Variants in SLC38A6 observed in about 807,000 individuals in gnomAD.
SLC38A6 encodes the protein N system amino acid transporter NAT-1.
In SLC38A6, 73 loss-of-function variants were observed where a neutral mutation model predicts 65.0. That is an observed-to-expected ratio of 1.12 (90% CI 0.93 to 1.37). SLC38A6 has a LOEUF of 1.37. SLC38A6 is among the 40% of genes most tolerant of loss of function. The pLI, the probability that SLC38A6 is intolerant of heterozygous loss-of-function variation, is 0.00. For missense variants in SLC38A6, 561 were observed against 531.1 expected, an observed-to-expected ratio of 1.06 and a Z score of -0.55; for synonymous variants, 183 against 178.8, an observed-to-expected ratio of 1.02 and a Z score of -0.19.
chr14:61,034,047 TG>T (rs1045953453), intron 6 of SLC38A6: 1 of 152,188 alleles, frequency 6.6e-6, no homozygotes. Flanking sequence ...TTGAGCCAGA[TG>T]ATCTCTAAGG....
At chr14:61,075,851 C>T (rs1223551005) in intron 15 of SLC38A6, among the ~76,000 whole-genome samples, 4 of 142,358 alleles carry the variant, frequency 2.8e-5, no homozygotes, top group African/African-American at 5.2e-5. Flanking sequence ...GGGATCAGAG[C>T]CACTCAACTT....
In SLC38A6 at chr14:61,018,739, A is replaced by G. The variant is rs574722990; in HGVS notation, c.364-802A>G. Among the ~76,000 whole-genome samples the G allele has an allele frequency of 8.1e-4, 124 of 152,328 alleles. 3 individuals carry two copies. In the South Asian group the frequency reaches 0.021, roughly 26 times the overall value. On this transcript the variant is annotated intron_variant, in intron 4 of 15. Transcript: ENST00000267488. ...ATAAGCTAACAAGCCTACAGACTGA[A>G]TTTAGTCCTCAGGCACATTTTATAT...
chr14:60,981,877 G>C (rs2037061832), intron 1 of SLC38A6, among the ~76,000 whole-genome samples: 1 of 152,336 alleles, frequency 6.6e-6, no homozygotes, highest in South Asian at 2.1e-4. Context: ...TGACCCTAAA[G>C]CCTGTGCAGT....
chr14:61,035,045 G>A (rs149203435), intron 6 of SLC38A6, among the ~76,000 whole-genome samples: 87 of 152,272 alleles, frequency 5.7e-4, no homozygotes, highest in East Asian at 5.0e-3. Context: ...ATCTGGCAGA[G>A]AATGAAAGAG....
chr14:61,069,339 T>G (rs547931498), intron 15 of SLC38A6, among the ~76,000 whole-genome samples: 2 of 152,240 alleles, frequency 1.3e-5, no homozygotes, highest in African/African-American at 4.8e-5. Flanking sequence ...TAATCCCAGA[T>G]AATGGCTCAC....
chr14:61,055,260 C>T (rs1378582657), downstream of SLC38A6, among the ~76,000 whole-genome samples: 1 of 64,212 alleles, frequency 1.6e-5, no homozygotes, highest in East Asian at 4.1e-4. Flanking sequence ...AATGCTATCC[C>T]TCCCCCCTCC....
chr14:60,984,820 T>C lies in SLC38A6; in HGVS notation c.310+17T>C, dbSNP rs1421030418. ...TTCAGACAGGTGAGTAAAAATGTTA[T>C]GCTGCTTCATTTAATAAAGGAGTCT... On this transcript the variant is annotated intron_variant, in intron 3 of 15. Coordinates refer to ENST00000267488, the MANE Select transcript of SLC38A6 (RefSeq NM_153811.3). 1.8e-5 allele frequency: 29 copies of C among 1,609,552 alleles called. No homozygotes were observed. Among genetic ancestry groups the C allele is most frequent in the Admixed American group, 1.5e-4 (9 of 60,006 alleles).
At chr14:60,982,116 G>C in intron 1 of SLC38A6, 2 of 458,304 alleles carry the variant, frequency 4.4e-6, no homozygotes, top group Admixed American at 4.7e-5. Context: ...TAATTGAGGA[G>C]AAACAACTGC....
downstream of SLC38A6, among the ~76,000 whole-genome samples, chr14:61,055,106 C>CTTTTTTTTTTTTT (rs1280245361): frequency 6.3e-5 from 4 of 63,286 alleles, no homozygotes; most frequent in African/African-American, 1.8e-4. Context: ...AAGTCTTTTT[C>CTTTTTTTTTTTTT]TTTTTTTTTT....
chr14:61,073,495 C>A (rs1341904797), intron 15 of SLC38A6, among the ~76,000 whole-genome samples: 2 of 152,138 alleles, frequency 1.3e-5, no homozygotes, highest in African/African-American at 4.8e-5. Context: ...TTATATTTTT[C>A]TTCCAGGATC....
intron 12 of SLC38A6, among the ~76,000 whole-genome samples, chr14:61,047,683 T>G (rs1385707703): frequency 6.6e-6 from 1 of 152,172 alleles, no homozygotes; most frequent in Non-Finnish European, 1.5e-5. Context: ...ATGTATAATC[T>G]ATCTATCTAA....
chr14:61,020,440 G>T (rs2139583365), intron 5 of SLC38A6, among the ~76,000 whole-genome samples: 1 of 152,164 alleles, frequency 6.6e-6, no homozygotes, highest in South Asian at 2.1e-4. Flanking sequence ...ATAAACTTCA[G>T]CTCTCATAAT....
intron 5 of SLC38A6, among the ~76,000 whole-genome samples, chr14:61,025,007 G>T (rs536744299): frequency 6.6e-6 from 1 of 152,080 alleles, no homozygotes; most frequent in Non-Finnish European, 1.5e-5. Context: ...TCATTACTAC[G>T]TTTTGTGAAA....
chr14:61,043,312 C>A, intron 9 of SLC38A6, 100 bp downstream of exon 9: 1 of 1,027,500 alleles, frequency 9.7e-7, no homozygotes, highest in Non-Finnish European at 1.4e-6. Context: ...AAAGTAATGG[C>A]TATATTGCAT....
At chr14:61,061,518 C>G (rs530728734) in intron 15 of SLC38A6, among the ~76,000 whole-genome samples, 1 of 152,144 alleles carries the variant, frequency 6.6e-6, no homozygotes, top group Non-Finnish European at 1.5e-5. Context: ...AGTACCTGCT[C>G]GTCTTTGTAC....
chr14:61,073,758 T>C (rs1441042821), intron 15 of SLC38A6: 2 of 152,126 alleles, frequency 1.3e-5, no homozygotes, highest in African/African-American at 4.8e-5. Context: ...TATATGTAAA[T>C]ATACAGTTAA....
At chr14:60,991,387 C>T (rs568552311) in intron 3 of SLC38A6, among the ~76,000 whole-genome samples, 57 of 152,234 alleles carry the variant, frequency 3.7e-4, no homozygotes, top group Non-Finnish European at 6.6e-4. Flanking sequence ...TTCATTTAAT[C>T]TTCATAATAA....
At chr14:60,995,798 A>G (rs1452473732) in intron 3 of SLC38A6, among the ~76,000 whole-genome samples, 1 of 152,228 alleles carries the variant, frequency 6.6e-6, no homozygotes. Context: ...ATACTGTATG[A>G]TTCCAAGTAT....
chr14:60,996,471 A>G (rs1367974492), intron 3 of SLC38A6, among the ~76,000 whole-genome samples: 3 of 152,100 alleles, frequency 2.0e-5, no homozygotes, highest in African/African-American at 7.2e-5. Flanking sequence ...ATGGGAGAGA[A>G]AAGATAAGAA....
Sources: allele counts gnomAD v4.1 joint callset (sites outside exome capture counted in the v4.1 genomes callset), GRCh38; gene constraint gnomAD v4.1.1; transcripts MANE v1.5; gene names NCBI Gene and HGNC (gene_info 2026-07-23, HGNC 2026-07-21).